The following MAP4K4 variants were observed in gnomAD, a reference collection of about 807,000 sequenced individuals.
MAP4K4 encodes HPK/GCK-like kinase HGK.
In MAP4K4, 38 loss-of-function variants were observed where a neutral mutation model predicts 189.6. The ratio of observed to expected loss-of-function variants is 0.20; its 90% CI spans 0.15 to 0.26. MAP4K4 has a LOEUF of 0.26. Ranked by LOEUF, MAP4K4 falls within the 10% of genes least tolerant of loss-of-function variation. The probability of loss-of-function intolerance (pLI) is 1.00; values close to 1 mark genes in which losing one functional copy is unlikely to be tolerated. For missense variants in MAP4K4, 1,054 were observed against 1,726.9 expected (o/e 0.61, Z 6.91); for synonymous variants, 610 against 624.3 (o/e 0.98, Z 0.34).
intron 2 of MAP4K4, among the ~76,000 whole-genome samples, chr2:101,754,621 T>C (rs2071289636): frequency 2.0e-5 from 3 of 152,192 alleles, no homozygotes; most frequent in South Asian, 4.1e-4. Context: ...CCCAAAGTGC[T>C]GGGATTACAG....
At chr2:101,750,225 G>A (rs1416643819) in intron 2 of MAP4K4, among the ~76,000 whole-genome samples, 1 of 145,602 alleles carries the variant, frequency 6.9e-6, no homozygotes, top group Non-Finnish European at 1.5e-5. Context: ...GTTTATTGCG[G>A]CATTATTCAC....
intron 2 of MAP4K4, among the ~76,000 whole-genome samples, chr2:101,704,567 AT>A (rs57278834): frequency 0.029 from 672 of 23,234 alleles, 2 homozygotes; most frequent in Non-Finnish European, 0.033. Flanking sequence ...ATATATATAT[AT>A]TTTTTTTTTT....
At chr2:101,887,180 A>T in exon 30 of MAP4K4, 10 of 1,612,774 alleles carry the variant, frequency 6.2e-6, no homozygotes, top group Non-Finnish European at 8.5e-6. Flanking sequence ...CCTGTGCTGG[A>T]TTCCATGCTG....
In MAP4K4 at chr2:101,744,354, C is replaced by T. The variant is rs186357706; in HGVS notation, c.123+45816C>T. Among the ~76,000 whole-genome samples, 6 of 152,310 alleles carry T rather than the reference C, an allele frequency of 3.9e-5. 1 individual carries two copies. The South Asian group carries it at 8.3e-4, about 21-fold the overall frequency. ...TTGTTGAAATGCAGTGTGTAGTATACGTTTACAGCACATCTCAGTTGAGAC... is the reference window on the plus strand; with the variant it reads ...TTGTTGAAATGCAGTGTGTAGTATATGTTTACAGCACATCTCAGTTGAGAC... On this transcript the variant is annotated intron_variant, in intron 2 of 32. Coordinates refer to ENST00000324219, the Ensembl canonical transcript of MAP4K4.
At chr2:101,884,313 T>C in intron 28 of MAP4K4, among the ~76,000 whole-genome samples, 1 of 152,218 alleles carries the variant, frequency 6.6e-6, no homozygotes, top group East Asian at 1.9e-4. Context: ...TGTGTGGTGG[T>C]TATATTAGCA....
intron 12 of MAP4K4, among the ~76,000 whole-genome samples, chr2:101,844,815 G>C (rs892865587): frequency 6.6e-6 from 1 of 151,892 alleles, no homozygotes; most frequent in Non-Finnish European, 1.5e-5. Flanking sequence ...AGGACAAATG[G>C]CTAATGCAGG....
chr2:101,788,594 C>T (rs1338110313), intron 2 of MAP4K4, among the ~76,000 whole-genome samples: 1 of 152,104 alleles, frequency 6.6e-6, no homozygotes, highest in African/African-American at 2.4e-5. Flanking sequence ...ATTTGGAGAC[C>T]TAGTAAGTGA....
At chr2:101,802,182 C>T (rs1474553136) in intron 3 of MAP4K4, among the ~76,000 whole-genome samples, 1 of 152,194 alleles carries the variant, frequency 6.6e-6, no homozygotes, top group Non-Finnish European at 1.5e-5. Flanking sequence ...TCTGACCCTT[C>T]TCACCACAGC....
At chr2:101,721,693 C>G (rs1198344459) in intron 2 of MAP4K4, among the ~76,000 whole-genome samples, 4 of 152,132 alleles carry the variant, frequency 2.6e-5, no homozygotes, top group Admixed American at 2.6e-4. Flanking sequence ...CCTCGGCCAC[C>G]CAAAGTGCTG....
intron 2 of MAP4K4, among the ~76,000 whole-genome samples, chr2:101,737,034 G>C (rs949103569): frequency 6.6e-6 from 1 of 152,078 alleles, no homozygotes; most frequent in African/African-American, 2.4e-5. Context: ...TTGGGCAATC[G>C]GAGTTTTGAT....
chr2:101,812,259 C>T (rs943862591), intron 3 of MAP4K4, among the ~76,000 whole-genome samples: 1 of 152,182 alleles, frequency 6.6e-6, no homozygotes, highest in Non-Finnish European at 1.5e-5. Flanking sequence ...TCCATGCAGA[C>T]TTTGCATGTG....
chr2:101,763,054 A>T (rs979946152), intron 2 of MAP4K4, among the ~76,000 whole-genome samples: 1 of 152,200 alleles, frequency 6.6e-6, no homozygotes, highest in African/African-American at 2.4e-5. Context: ...CTGCAGCCCC[A>T]GATGCAGGGT....
chr2:101,856,058 G>C, exon 13 of MAP4K4: 1 of 1,551,794 alleles, frequency 6.4e-7, no homozygotes, highest in Non-Finnish European at 8.7e-7. Flanking sequence ...GAGGCGTCTA[G>C]AGGAGTTGGA....
intron 2 of MAP4K4, among the ~76,000 whole-genome samples, chr2:101,701,149 C>T (rs1417575582): frequency 6.6e-6 from 1 of 151,900 alleles, no homozygotes; most frequent in Non-Finnish European, 1.5e-5. Context: ...ACAACTTGTC[C>T]TAATTTATTT....
intron 25 of MAP4K4, 148 bp from the exon 26 acceptor site, chr2:101,873,934 T>C: frequency 1.2e-6 from 1 of 805,080 alleles, no homozygotes; most frequent in Non-Finnish European, 2.0e-6. Context: ...GTCCATTTCC[T>C]TTTTCCATAT....
intron 2 of MAP4K4, among the ~76,000 whole-genome samples, chr2:101,751,683 G>C (rs2069066236): frequency 6.6e-6 from 1 of 152,188 alleles, no homozygotes. Context: ...TGACATGTAA[G>C]TTAAGGAACT....
chr2:101,876,328 G>A (rs754211611), intron 26 of MAP4K4, among the ~76,000 whole-genome samples: 1 of 152,196 alleles, frequency 6.6e-6, no homozygotes, highest in African/African-American at 2.4e-5. Context: ...GTGGAAATAA[G>A]GAAGGAGGCA....
chr2:101,798,087 T>G (rs1273038711), intron 3 of MAP4K4, among the ~76,000 whole-genome samples: 1 of 151,514 alleles, frequency 6.6e-6, no homozygotes, highest in Non-Finnish European at 1.5e-5. Context: ...CAATAATTTT[T>G]TTTTTTTGAG....
At chr2:101,777,712 G>A (rs1246202743) in intron 2 of MAP4K4, among the ~76,000 whole-genome samples, 1 of 152,190 alleles carries the variant, frequency 6.6e-6, no homozygotes, top group African/African-American at 2.4e-5. Flanking sequence ...AGCAGAAGGT[G>A]TATTGCTTGA....
Sources: gnomAD v4.1 joint callset for allele counts (sites outside exome capture counted in the v4.1 genomes callset) on GRCh38, gnomAD v4.1.1 for gene constraint, MANE v1.5 for transcripts, NCBI Gene and HGNC (gene_info 2026-07-23, HGNC 2026-07-21) for gene names.